Variants in NRXN3 observed in about 807,000 individuals in gnomAD.
The protein encoded by NRXN3 is neurexin 3, also known as neurexin III.
A neutral mutation model predicts 137.6 loss-of-function variants in NRXN3; 32 were observed. That is an observed-to-expected ratio of 0.23 (90% CI 0.18 to 0.31). The LOEUF is 0.31. NRXN3 is among the 10% of genes least tolerant of loss of function. NRXN3 has a pLI of 1.00. For missense variants in NRXN3, 1,574 were observed against 2,062.5 expected, an observed-to-expected ratio of 0.76 and a Z score of 4.59; for synonymous variants, 798 against 784.5, an observed-to-expected ratio of 1.02 and a Z score of -0.29.
At chr14:78,806,981 A>T (rs555521567) in intron 9 of NRXN3, among the ~76,000 whole-genome samples, 5 of 152,344 alleles carry the variant, frequency 3.3e-5, no homozygotes, top group Non-Finnish European at 5.9e-5. Flanking sequence ...CAAAGCTTAC[A>T]TAAAAAGTTG....
At chr14:79,393,448 G>A (rs1389899320) in intron 15 of NRXN3, among the ~76,000 whole-genome samples, 1 of 152,140 alleles carries the variant, frequency 6.6e-6, no homozygotes, top group Non-Finnish European at 1.5e-5. Flanking sequence ...TATGTGTAGT[G>A]GATTAAATGA....
At chr14:79,174,979 CTTT>C (rs5809926) in intron 15 of NRXN3, among the ~76,000 whole-genome samples, 8 of 124,920 alleles carry the variant, frequency 6.4e-5, no homozygotes, top group Admixed American at 8.3e-5. Context: ...TTCAGATTTC[CTTT>C]TTTTTTTTTT....
intron 10 of NRXN3, among the ~76,000 whole-genome samples, chr14:78,908,899 G>T (rs2099227807): frequency 6.6e-6 from 1 of 152,096 alleles, no homozygotes; most frequent in Non-Finnish European, 1.5e-5. Flanking sequence ...GGAACAAGAA[G>T]ATCTTAAAGA....
At chr14:79,517,896 CTTTTTT>C (rs34241975) in intron 16 of NRXN3, among the ~76,000 whole-genome samples, 2 of 73,360 alleles carry the variant, frequency 2.7e-5, no homozygotes, top group African/African-American at 1.3e-4. Context: ...CCTGACTTTC[CTTTTTT>C]TTTTTTTTTT....
chr14:78,914,606 A>C (rs762183956), intron 10 of NRXN3, among the ~76,000 whole-genome samples: 2 of 152,142 alleles, frequency 1.3e-5, no homozygotes, highest in African/African-American at 2.4e-5. Context: ...CAGAAAGTAT[A>C]ATGGAGCTTA....
intron 6 of NRXN3, among the ~76,000 whole-genome samples, chr14:78,700,767 G>A (rs2098270292): frequency 6.6e-6 from 1 of 151,892 alleles, no homozygotes; most frequent in East Asian, 1.9e-4. Context: ...TTGATTGACT[G>A]GAAACTTTTT....
chr14:79,467,181 T>C, intron 15 of NRXN3, 40 bp from the exon 16 acceptor site: 3 of 1,562,192 alleles, frequency 1.9e-6, no homozygotes, highest in Non-Finnish European at 2.6e-6. Flanking sequence ...CTGTATGCAA[T>C]GTAGTGCCTT....
chr14:78,419,986 C>CACACACACCCA (rs10676901), intron 4 of NRXN3, among the ~76,000 whole-genome samples: 1 of 150,118 alleles, frequency 6.7e-6, no homozygotes, highest in Admixed American at 6.6e-5. Context: ...CACACACACA[C>CACACACACCCA]GTAAAGTCCT....
At chr14:78,795,239 CA>C (rs1310394841) in intron 8 of NRXN3, among the ~76,000 whole-genome samples, 3 of 152,274 alleles carry the variant, frequency 2.0e-5, no homozygotes, top group African/African-American at 7.2e-5. Context: ...GGAATTTAAG[CA>C]TCGTACAGAT....
intron 15 of NRXN3, among the ~76,000 whole-genome samples, chr14:79,113,642 T>C (rs2053911980): frequency 6.6e-6 from 1 of 152,198 alleles, no homozygotes; most frequent in South Asian, 2.1e-4. Flanking sequence ...ACATCCCAGT[T>C]TGGTTTTTTC....
In NRXN3 at chr14:78,199,355, C is replaced by T. The variant is rs189569739; in HGVS notation, c.-704+28681C>T. ...AGCCTTAGACACATGGCACTTTGAA[C>T]TAGGTGTAGGGCATTCTGGTTTTTC... On this transcript the variant is annotated intron_variant, in intron 1 of 20. Coordinates refer to ENST00000335750, the MANE Select transcript of NRXN3 (RefSeq NM_001330195.2). Among the ~76,000 whole-genome samples, 67 of 152,230 alleles carry T rather than the reference C, an allele frequency of 4.4e-4. No homozygotes were observed. In the East Asian group the frequency reaches 0.012, roughly 27 times the overall value.
At position 79,861,066 on chromosome 14, in the gene NRXN3, T is replaced by A; in HGVS notation, c.4094-276T>A. On this transcript the variant is annotated intron_variant, in intron 20 of 20. Coordinates refer to ENST00000335750, the MANE Select transcript of NRXN3 (RefSeq NM_001330195.2). This position sits in a 1 kb window ranked among gnomAD's most constrained non-coding sequence, Gnocchi z 5.4. ...GGTGAATTAGTTATCCCTCTTCTTG[T>A]AGAAGACCCTTTAGCTACCCCTCCT... The A allele has an allele frequency of 2.1e-6, 3 of 1,423,564 alleles. No individual in the cohort carries two copies. Among genetic ancestry groups the A allele is most frequent in the Non-Finnish European group, 2.7e-6 (3 of 1,091,468 alleles). 88.2% of individuals were successfully genotyped at this position (1,423,564 alleles called of 1,614,324 possible). A position where few individuals can be genotyped will look rare whatever the true frequency, so the allele number is the denominator to read the frequency against.
intron 6 of NRXN3, among the ~76,000 whole-genome samples, chr14:78,651,740 A>C (rs1566977373): frequency 6.6e-6 from 1 of 151,534 alleles, no homozygotes; most frequent in South Asian, 2.1e-4. Context: ...AAACCATCAG[A>C]TCTTATGAGA....
intron 16 of NRXN3, among the ~76,000 whole-genome samples, chr14:79,650,823 G>T (rs569811292): frequency 1.3e-5 from 2 of 152,108 alleles, no homozygotes; most frequent in Non-Finnish European, 1.5e-5. Context: ...TCTGAATTTG[G>T]CAAGTCTAGT....
intron 16 of NRXN3, among the ~76,000 whole-genome samples, chr14:79,612,334 C>T (rs1218899916): frequency 4.6e-5 from 7 of 152,120 alleles, no homozygotes; most frequent in African/African-American, 1.4e-4. Context: ...AAGAGCTGGT[C>T]GGGTGTCTCT....
chr14:79,051,366 A>C (rs781507864), intron 15 of NRXN3, among the ~76,000 whole-genome samples: 4 of 152,234 alleles, frequency 2.6e-5, no homozygotes, highest in Admixed American at 2.6e-4. Context: ...AGTTATTTTC[A>C]TCTTTCTCTT....
chr14:79,738,698 A>G (rs2098950582), intron 19 of NRXN3, among the ~76,000 whole-genome samples: 2 of 152,090 alleles, frequency 1.3e-5, no homozygotes, highest in Non-Finnish European at 2.9e-5. Context: ...AGCTGGGATT[A>G]CAGGTGCTCA....
chr14:79,819,650 A>G (rs1026396645), intron 20 of NRXN3, among the ~76,000 whole-genome samples: 1 of 151,720 alleles, frequency 6.6e-6, no homozygotes, highest in Non-Finnish European at 1.5e-5. Context: ...ACGCCCAGCT[A>G]ATTTTTGTGT....
chr14:78,455,179 A>G (rs972600545), intron 4 of NRXN3, among the ~76,000 whole-genome samples: 6 of 152,146 alleles, frequency 3.9e-5, no homozygotes, highest in African/African-American at 9.7e-5. Context: ...CACCCCCTAC[A>G]TGGGACCTTC....
Sources: allele counts gnomAD v4.1 joint callset (sites outside exome capture counted in the v4.1 genomes callset), GRCh38; gene constraint gnomAD v4.1.1; non-coding constraint Gnocchi (gnomAD v3.1); transcripts MANE v1.5; gene names NCBI Gene and HGNC (gene_info 2026-07-23, HGNC 2026-07-21).